SLC10A7: variants seen among roughly 807,000 people sequenced by gnomAD.
SLC10A7 encodes solute carrier family 10 member 7.
In SLC10A7, 29 loss-of-function variants were observed where a neutral mutation model predicts 43.2. That is an observed-to-expected ratio of 0.67 (90% CI 0.50 to 0.92). SLC10A7 has a LOEUF of 0.92. Among genes scored for constraint, SLC10A7 ranks in the 40% least tolerant of loss-of-function variants. The pLI is 0.00. For missense variants in SLC10A7, 295 were observed against 403.2 expected, an observed-to-expected ratio of 0.73 and a Z score of 2.30; for synonymous variants, 152 against 144.8, an observed-to-expected ratio of 1.05 and a Z score of -0.35.
chr4:146,347,818 G>A (rs550410530), intron 5 of SLC10A7, among the ~76,000 whole-genome samples: 2 of 152,120 alleles, frequency 1.3e-5, no homozygotes, highest in African/African-American at 4.8e-5. Flanking sequence ...GATTTCTTAA[G>A]AGGAACAAAA....
intron 5 of SLC10A7, among the ~76,000 whole-genome samples, chr4:146,343,655 A>G (rs1734421205): frequency 6.6e-6 from 1 of 152,006 alleles, no homozygotes; most frequent in Non-Finnish European, 1.5e-5. Flanking sequence ...CAGATTTAGT[A>G]GTCTTTTTAT....
rs116593646 is a variant in SLC10A7 at position 146,333,760 on chromosome 4, T to C, written c.436-7764A>G. On this transcript the variant is annotated intron_variant, in intron 5 of 11. Coordinates refer to ENST00000335472, the MANE Select transcript of SLC10A7 (RefSeq NM_001029998.6). ...AAGAGGAAGACACTGGAAGAGTTTA[T>C]GCAGCCATGGGTGTGGGGAGGGGCA... Among the ~76,000 whole-genome samples, 1,026 of 152,036 alleles carry C rather than the reference T, an allele frequency of 6.7e-3. 13 individuals carry two copies. The highest frequency in any genetic ancestry group is 0.023 in the African/African-American group (968 of 41,468).
chr4:146,265,213 T>A (rs994456779), intron 10 of SLC10A7, among the ~76,000 whole-genome samples: 1 of 152,250 alleles, frequency 6.6e-6, no homozygotes, highest in African/African-American at 2.4e-5. Context: ...AACTGAGGTT[T>A]AGAGCAGTTA....
intron 5 of SLC10A7, among the ~76,000 whole-genome samples, chr4:146,357,086 G>T (rs974150925): frequency 2.6e-5 from 4 of 151,994 alleles, no homozygotes; most frequent in African/African-American, 9.7e-5. Context: ...CACCCATGAA[G>T]AAAAAAGAAA....
At chr4:146,431,833 T>C (rs1003303394) in intron 5 of SLC10A7, among the ~76,000 whole-genome samples, 1 of 152,094 alleles carries the variant, frequency 6.6e-6, no homozygotes, top group African/African-American at 2.4e-5. Context: ...TGAAAATTAC[T>C]GTTAAGAAAA....
intron 5 of SLC10A7, among the ~76,000 whole-genome samples, chr4:146,400,814 T>C (rs368933123): frequency 6.6e-6 from 1 of 152,146 alleles, no homozygotes; most frequent in Non-Finnish European, 1.5e-5. Context: ...TACAGATACA[T>C]TGTTTACTTA....
chr4:146,450,591 T>A (rs182481349), intron 4 of SLC10A7, among the ~76,000 whole-genome samples: 2 of 152,188 alleles, frequency 1.3e-5, no homozygotes, highest in African/African-American at 4.8e-5. Flanking sequence ...GAACTGGAAA[T>A]GAGACATCTG....
intron 10 of SLC10A7, among the ~76,000 whole-genome samples, chr4:146,271,257 G>T (rs1327001413): frequency 1.3e-5 from 2 of 152,126 alleles, no homozygotes; most frequent in Non-Finnish European, 1.5e-5. Flanking sequence ...CCAAACTCTT[G>T]ATCTGTTCCC....
chr4:146,448,625 T>G (rs1731319388), intron 4 of SLC10A7, among the ~76,000 whole-genome samples: 1 of 152,234 alleles, frequency 6.6e-6, no homozygotes, highest in African/African-American at 2.4e-5. Flanking sequence ...GGCAAGTTAA[T>G]GTATTAAACT....
chr4:146,351,680 G>T (rs988120782), intron 5 of SLC10A7, among the ~76,000 whole-genome samples: 1 of 151,616 alleles, frequency 6.6e-6, no homozygotes, highest in Non-Finnish European at 1.5e-5. Context: ...GACTAACAGC[G>T]GATCTCTTGG....
intron 4 of SLC10A7, among the ~76,000 whole-genome samples, chr4:146,452,333 C>T (rs879694864): frequency 5.9e-5 from 9 of 151,912 alleles, no homozygotes; most frequent in Admixed American, 1.3e-4. Flanking sequence ...GGCTTTGATT[C>T]GCAGGAAGGA....
chr4:146,519,173 T>C (rs1738366638), intron 1 of SLC10A7, among the ~76,000 whole-genome samples: 1 of 130,902 alleles, frequency 7.6e-6, no homozygotes, highest in Non-Finnish European at 1.6e-5. Context: ...TATGATACAA[T>C]AATGTACATA....
chr4:146,410,392 T>C (rs1372119678), intron 5 of SLC10A7, among the ~76,000 whole-genome samples: 5 of 152,168 alleles, frequency 3.3e-5, no homozygotes, highest in Non-Finnish European at 5.9e-5. Flanking sequence ...ATGGTCCTAT[T>C]AAATTAAAAT....
intron 7 of SLC10A7, among the ~76,000 whole-genome samples, chr4:146,297,582 G>A (rs1301250436): frequency 6.6e-6 from 1 of 152,082 alleles, no homozygotes; most frequent in Non-Finnish European, 1.5e-5. Context: ...GATAGATAAT[G>A]TTTCACGTTG....
intron 7 of SLC10A7, among the ~76,000 whole-genome samples, chr4:146,299,524 C>T (rs1731013645): frequency 6.6e-6 from 1 of 152,146 alleles, no homozygotes; most frequent in Non-Finnish European, 1.5e-5. Context: ...AAAGGTCTTT[C>T]TGAGGATGTG....
intron 6 of SLC10A7, among the ~76,000 whole-genome samples, chr4:146,309,370 T>C (rs145615526): frequency 6.6e-6 from 1 of 152,204 alleles, no homozygotes; most frequent in African/African-American, 2.4e-5. Flanking sequence ...GGGCAGTGGT[T>C]CTCAAATGTT....
chr4:146,375,847 G>T (rs1737155344), intron 5 of SLC10A7, among the ~76,000 whole-genome samples: 1 of 152,066 alleles, frequency 6.6e-6, no homozygotes, highest in Non-Finnish European at 1.5e-5. Context: ...GATAGTGTCG[G>T]ATCCCACAGG....
intron 5 of SLC10A7, among the ~76,000 whole-genome samples, chr4:146,349,243 A>G (rs4835300): frequency 1.3e-5 from 2 of 152,118 alleles, no homozygotes; most frequent in Non-Finnish European, 2.9e-5. Flanking sequence ...AAGCAGCCAA[A>G]AAATACATGA....
intron 7 of SLC10A7, among the ~76,000 whole-genome samples, chr4:146,304,280 A>G (rs990232732): frequency 4.0e-5 from 6 of 151,588 alleles, no homozygotes; most frequent in Admixed American, 4.0e-4. Context: ...AGGAGTCTAT[A>G]AAGACACCAA....
Sources: gnomAD v4.1 joint callset for allele counts (sites outside exome capture counted in the v4.1 genomes callset) on GRCh38, gnomAD v4.1.1 for gene constraint, MANE v1.5 for transcripts, NCBI Gene and HGNC (gene_info 2026-07-23, HGNC 2026-07-21) for gene names.